Variants in APP observed in about 807,000 individuals in gnomAD.
The protein encoded by APP is amyloid beta precursor protein.
APP carries 31 observed loss-of-function variants against 101.4 expected under a neutral mutation model. That is an observed-to-expected ratio of 0.31 (90% CI 0.23 to 0.41). APP has a LOEUF of 0.41. APP is among the 10% of genes least tolerant of loss of function. The probability of loss-of-function intolerance (pLI) is 1.00; values close to 1 mark genes in which losing one functional copy is unlikely to be tolerated. For missense variants in APP, 839 were observed against 1,003.7 expected (o/e 0.84, Z 2.22); for synonymous variants, 366 against 364.4 (o/e 1.00, Z -0.05).
chr21:25,891,642 C>G (rs1477028337), intron 17 of APP, 80 bp downstream of exon 17: 2 of 1,370,380 alleles, frequency 1.5e-6, no homozygotes, highest in East Asian at 2.3e-5. Flanking sequence ...AGATACTTAG[C>G]TAGTTCTTAG....
At chr21:26,074,802 T>C (rs977779015) in intron 3 of APP, among the ~76,000 whole-genome samples, 44 of 152,164 alleles carry the variant, frequency 2.9e-4, no homozygotes, top group African/African-American at 1.0e-3. Flanking sequence ...ACAATGAAAC[T>C]ATTATAAATG....
At chr21:25,926,438 G>A (rs1041377899) in intron 13 of APP, among the ~76,000 whole-genome samples, 1 of 152,198 alleles carries the variant, frequency 6.6e-6, no homozygotes, top group Admixed American at 6.5e-5. Context: ...CGATGCCAAA[G>A]CCATACTGTG....
chr21:26,031,361 T>C (rs1365976303), intron 5 of APP, among the ~76,000 whole-genome samples: 1 of 152,218 alleles, frequency 6.6e-6, no homozygotes, highest in Non-Finnish European at 1.5e-5. Context: ...TGCATGCTTC[T>C]GGGCTTCTCC....
At chr21:26,070,568 G>C (rs1179022645) in intron 3 of APP, among the ~76,000 whole-genome samples, 2 of 152,074 alleles carry the variant, frequency 1.3e-5, no homozygotes, top group African/African-American at 4.8e-5. Context: ...AAAGTACTGT[G>C]AATCTCTGTG....
At chr21:26,116,948 C>T (rs993376686) in intron 1 of APP, among the ~76,000 whole-genome samples, 1 of 152,166 alleles carries the variant, frequency 6.6e-6, no homozygotes, top group African/African-American at 2.4e-5. Flanking sequence ...GTGGCATGAT[C>T]TCGGCTCACT....
At chr21:25,931,396 T>C (rs1484620816) in intron 13 of APP, among the ~76,000 whole-genome samples, 1 of 152,168 alleles carries the variant, frequency 6.6e-6, no homozygotes, top group East Asian at 1.9e-4. Context: ...GGCTTTCAGT[T>C]TGTGGGATAC....
intron 5 of APP, among the ~76,000 whole-genome samples, chr21:26,022,980 C>T (rs1273001991): frequency 7.0e-6 from 1 of 143,020 alleles, no homozygotes; most frequent in African/African-American, 2.6e-5. Flanking sequence ...GGAACTCACA[C>T]AGGTGGAAGA....
chr21:26,078,145 A>G (rs974624242), intron 3 of APP, among the ~76,000 whole-genome samples: 9 of 152,214 alleles, frequency 5.9e-5, no homozygotes, highest in Non-Finnish European at 1.2e-4. Context: ...TTCATTCTTT[A>G]TTTAATCACA....
chr21:26,096,457 CA>C (rs5843208), intron 2 of APP, among the ~76,000 whole-genome samples: 152,334 of 152,334 alleles, frequency 1, 76,167 homozygotes, highest in Non-Finnish European at 1. Context: ...GACTGTATTT[CA>C]AACTCTGCAG....
chr21:25,914,460 G>T (rs2039239302), intron 13 of APP, among the ~76,000 whole-genome samples: 1 of 148,028 alleles, frequency 6.8e-6, no homozygotes, highest in South Asian at 2.1e-4. Context: ...TTCTAAAAGG[G>T]CTAGAGGAAA....
At chr21:25,897,281 C>A (rs954595896) in intron 16 of APP, among the ~76,000 whole-genome samples, 3 of 151,914 alleles carry the variant, frequency 2.0e-5, no homozygotes, top group African/African-American at 4.8e-5. Context: ...CCCAGCTAAT[C>A]TTTTTTGTAT....
chr21:26,102,704 A>C (rs1433498733), intron 2 of APP, among the ~76,000 whole-genome samples: 1 of 151,960 alleles, frequency 6.6e-6, no homozygotes, highest in African/African-American at 2.4e-5. Flanking sequence ...CAGCCTGGCC[A>C]ACATGGTGAA....
chr21:26,017,597 T>G (rs923301388), intron 6 of APP, among the ~76,000 whole-genome samples: 2 of 2,140 alleles, frequency 9.3e-4, no homozygotes, highest in Admixed American at 0.011. Flanking sequence ...CAACGAATAG[T>G]TGCTGAATAA....
At chr21:26,082,176 G>A (rs550938940) in intron 3 of APP, among the ~76,000 whole-genome samples, 2 of 152,200 alleles carry the variant, frequency 1.3e-5, no homozygotes, top group African/African-American at 4.8e-5. Context: ...CCGAGATCAC[G>A]CCATTGCACT....
At chr21:26,168,323 T>C (rs751799735) in intron 1 of APP, among the ~76,000 whole-genome samples, 1 of 152,162 alleles carries the variant, frequency 6.6e-6, no homozygotes, top group Non-Finnish European at 1.5e-5. Flanking sequence ...AACTCGTAAT[T>C]ACATCTTTTC....
intron 13 of APP, among the ~76,000 whole-genome samples, chr21:25,927,642 A>T (rs965134753): frequency 6.6e-6 from 1 of 150,426 alleles, no homozygotes; most frequent in African/African-American, 2.5e-5. Flanking sequence ...CTGGCCACAC[A>T]TGTTTAAATG....
In APP at chr21:25,975,804, A is replaced by C; in HGVS notation, c.1299+150T>G. On this transcript the variant is annotated intron_variant, in intron 10 of 17. Coordinates refer to ENST00000346798, the MANE Select transcript of APP (RefSeq NM_000484.4). ...ATATAAGGCAGGATTTAAACAACTCAATTACTAGACAATGATTAAGAACAG... is the reference window on the plus strand; with the variant it reads ...ATATAAGGCAGGATTTAAACAACTCCATTACTAGACAATGATTAAGAACAG... 3 of 699,536 alleles carry C rather than the reference A, an allele frequency of 4.3e-6. No homozygotes were observed. In the South Asian group the frequency reaches 4.6e-5, roughly 11 times the overall value. 43.3% of individuals were successfully genotyped at this position (699,536 alleles called of 1,614,324 possible).
At chr21:26,131,177 C>G (rs1322552033) in intron 1 of APP, among the ~76,000 whole-genome samples, 1 of 151,920 alleles carries the variant, frequency 6.6e-6, no homozygotes, top group Non-Finnish European at 1.5e-5. Context: ...TGCGGTGAGC[C>G]AAGATCGCAC....
At chr21:26,125,579 C>A (rs1269318919) in intron 1 of APP, among the ~76,000 whole-genome samples, 1 of 151,056 alleles carries the variant, frequency 6.6e-6, no homozygotes, top group African/African-American at 2.4e-5. Context: ...ACATTCGGTG[C>A]GGTGTTTAGG....
Sources: allele counts gnomAD v4.1 joint callset (sites outside exome capture counted in the v4.1 genomes callset), GRCh38; gene constraint gnomAD v4.1.1; transcripts MANE v1.5; gene names NCBI Gene and HGNC (gene_info 2026-07-23, HGNC 2026-07-21).